Variants in INO80E observed in about 807,000 individuals in gnomAD.
The protein encoded by INO80E is INO80 complex subunit E.
INO80E carries 20 observed loss-of-function variants against 27.3 expected under a neutral mutation model. That is an observed-to-expected ratio of 0.73 (90% confidence interval 0.51 to 1.06). The LOEUF (loss-of-function observed/expected upper bound fraction) is 1.06, where lower values mean the gene tolerates loss of function less well. Ranked by LOEUF, INO80E falls within the 50% of genes least tolerant of loss-of-function variation. The probability of loss-of-function intolerance (pLI) is 0.00; values close to 1 mark genes in which losing one functional copy is unlikely to be tolerated. For synonymous variants in INO80E, 167 were observed against 145.9 expected, an observed-to-expected ratio of 1.14 and a Z score of -1.04; for missense variants, 357 against 322.8, an observed-to-expected ratio of 1.11 and a Z score of -0.81.
At chr16:29,998,408 A>C (rs1234925806) in intron 3 of INO80E, among the ~76,000 whole-genome samples, 2 of 152,156 alleles carry the variant, frequency 1.3e-5, no homozygotes, top group Non-Finnish European at 2.9e-5. Context: ...GTTGAAGAGC[A>C]GAGGCATGAA....
In INO80E at chr16:30,005,738, G is replaced by C; in HGVS notation, c.*296G>C. 1 of 508,848 alleles carries C rather than the reference G, an allele frequency of 2.0e-6. No homozygotes were observed. The highest frequency in any genetic ancestry group is 2.5e-5 in the South Asian group (1 of 40,488). 31.5% of individuals were successfully genotyped at this position (508,848 alleles called of 1,614,324 possible). ...TGGCCACCTCTTTAAAAGGGCAGCTGTACAGGGCTAGGTTTTTTCAATGAA... is the reference window on the plus strand; with the variant it reads ...TGGCCACCTCTTTAAAAGGGCAGCTCTACAGGGCTAGGTTTTTTCAATGAA... On this transcript the variant is annotated 3_prime_UTR_variant, in exon 7 of 7. Transcript: ENST00000563197.
chr16:29,998,655 T>C (rs553913092), intron 3 of INO80E, among the ~76,000 whole-genome samples: 1 of 152,254 alleles, frequency 6.6e-6, no homozygotes, highest in South Asian at 2.1e-4. Flanking sequence ...GACCCACAGT[T>C]TGAAAAAGCC....
rs2070546244 is a variant in INO80E, at chr16:30,005,525, T to C, written c.*83T>C. On this transcript the variant is annotated 3_prime_UTR_variant, in exon 7 of 7. Coordinates refer to ENST00000563197, the MANE Select transcript of INO80E (RefSeq NM_173618.3). ...CACACGAGTCCAGCTTCCTCGGAGG[T>C]GTTTATTGATGCCCAGCTGCCATGC... 1 of 1,257,890 alleles carries C rather than the reference T, an allele frequency of 7.9e-7. No individual in the cohort carries two copies. The allele number at this position is 1,257,890 out of a possible 1,614,324, so 77.9% of individuals were successfully genotyped here.
chr16:30,004,595 G>T (rs1357143037), intron 6 of INO80E: 1 of 155,036 alleles, frequency 6.5e-6, no homozygotes, highest in South Asian at 2.0e-4. Flanking sequence ...CCGTGCGGAG[G>T]AGCTGGATCT....
Position 29,996,282 on chromosome 16 carries a change from A to G in INO80E, c.-29A>G, listed in dbSNP as rs201646845. 610 of 1,563,384 alleles carry G rather than the reference A, an allele frequency of 3.9e-4. 1 individual carries two copies. In the African/African-American group the frequency reaches 4.2e-3, roughly 11 times the overall value. ...CCACTGCTTGGGGTAGCGGGAGGGC[A>G]GACTCTGGGCGCCACTCCCGGGCCG... On this transcript the variant is annotated 5_prime_UTR_variant, in exon 1 of 7. Transcript: ENST00000563197.
rs751046777 is a variant in INO80E at position 30,001,434 on chromosome 16, C to A, written c.417C>A (p.Pro139=). The A allele has an allele frequency of 2.5e-6, 4 of 1,609,772 alleles. No individual in the cohort carries two copies. Among genetic ancestry groups the A allele is most frequent in the East Asian group, 2.2e-5 (1 of 44,724 alleles). The part of the protein sequence containing the change: ...YLSSLASSRY[P]PFPSDYLALQ... ...CGCAGCTGGCCTCCTCCCGCTACCC[C>A]CCATTCCCTTCTGACTACCTGGCCC... The change falls in exon 6 of 7, where the codon CCC becomes CCA. Residue 139 remains proline (P), a synonymous_variant. Transcript: ENST00000563197.
intron 6 of INO80E, chr16:30,004,502 C>CCGCAGG (rs2150944598): frequency 6.5e-6 from 1 of 153,076 alleles, no homozygotes; most frequent in South Asian, 2.1e-4. Context: ...GCCTGTCGTC[C>CCGCAGG]CGCAGGCGGC....
chr16:29,998,812 G>A (rs1379781070), intron 3 of INO80E, among the ~76,000 whole-genome samples: 1 of 152,166 alleles, frequency 6.6e-6, no homozygotes, highest in Non-Finnish European at 1.5e-5. Context: ...TTGGGAGGCC[G>A]AGGCAGGCAG....
chr16:30,004,647 CCGCAGCCCAGGT>C (rs2070482100), intron 6 of INO80E: 1 of 155,244 alleles, frequency 6.4e-6, no homozygotes, highest in Non-Finnish European at 1.5e-5. Flanking sequence ...GAGGCTGGGA[CCGCAGCCCAGGT>C]GAGCTAAGAG....
chr16:30,005,192 T>TC (rs1201488833), intron 6 of INO80E, 29 bp from the exon 7 acceptor site: 7 of 1,433,248 alleles, frequency 4.9e-6, no homozygotes, highest in Middle Eastern at 5.0e-4. Context: ...CCCTGACTAG[T>TC]CCCCCTGTGT....
rs746778751 is a variant in INO80E, at chr16:30,000,789, C to T, written c.237C>T (p.Ser79=). ...ATGCCACTGCATCATCAGATAACAGCGAGACGGAGGGGACACCCAAGTTGT... is the reference window on the plus strand; with the variant it reads ...ATGCCACTGCATCATCAGATAACAGTGAGACGGAGGGGACACCCAAGTTGT... ...DSDATASSDN[S]ETEGTPKLSD... is the part of the protein sequence containing the mutation. The change falls in exon 4 of 7, where the codon AGC becomes AGT. Residue 79 remains serine, a synonymous_variant. Coordinates refer to ENST00000563197, the MANE Select transcript of INO80E (RefSeq NM_173618.3). 14 of 1,614,016 alleles carry T rather than the reference C, an allele frequency of 8.7e-6. No homozygotes were observed. Among genetic ancestry groups the T allele is most frequent in the South Asian group, 1.1e-5 (1 of 91,092 alleles).
At position 29,996,302 on chromosome 16, in the gene INO80E, G is replaced by C; in HGVS notation, c.-9G>C. The stretch of plus-strand genomic sequence containing the variant: ...AGGGCAGACTCTGGGCGCCACTCCC[G>C]GGCCGGTCATGAACGGGCCGGCGGA... On this transcript the variant is annotated 5_prime_UTR_variant, in exon 1 of 7. Transcript: ENST00000563197. 6.3e-7 allele frequency: 1 copy of C among 1,587,074 alleles called. No individual in the cohort carries two copies. The highest frequency in any genetic ancestry group is 2.3e-5 in the East Asian group (1 of 43,526).
At position 30,001,426 on chromosome 16, in the gene INO80E, C is replaced by CGCTA. The variant is rs1256027958; in HGVS notation, c.410_413dup (p.Tyr138Ter). 3.1e-6 allele frequency: 5 copies of CGCTA among 1,602,534 alleles called. No individual in the cohort carries two copies. Among genetic ancestry groups the CGCTA allele is most frequent in the Non-Finnish European group, 4.3e-6 (5 of 1,174,140 alleles). ...CTCCCGCCCGCAGCTGGCCTCCTCC[C>CGCTA]GCTACCCCCCATTCCCTTCTGACTA... On this transcript the variant is annotated stop_gained and frameshift_variant, in exon 6 of 7. Coordinates refer to ENST00000563197, the MANE Select transcript of INO80E (RefSeq NM_173618.3). LOFTEE classifies it high-confidence loss of function.
intron 3 of INO80E, 103 bp downstream of exon 3, chr16:29,996,963 G>A: frequency 9.0e-7 from 1 of 1,108,432 alleles, no homozygotes; most frequent in Non-Finnish European, 1.4e-6. Context: ...GCAGCCCCCA[G>A]TGGTCCTTAA....
intron 3 of INO80E, chr16:29,999,337 C>T (rs1362023275): frequency 6.6e-6 from 1 of 152,234 alleles, no homozygotes; most frequent in Non-Finnish European, 1.5e-5. Flanking sequence ...CCAGCATGTT[C>T]ATGGCCAGAG....
Position 30,005,214 on chromosome 16 carries a change from G to C in INO80E, c.514-7G>C. 3 of 1,418,158 alleles carry C rather than the reference G, an allele frequency of 2.1e-6. No individual in the cohort carries two copies. The highest frequency in any genetic ancestry group is 1.6e-5 in the South Asian group (1 of 60,918). 87.8% of individuals were successfully genotyped at this position (1,418,158 alleles called of 1,614,324 possible). ...TAGTCCCCCTGTGTTTCTTCCCCCT[G>C]CTGCAGATGGCGGTGGGACCCCCCG... On this transcript the variant is annotated splice_region_variant and splice_polypyrimidine_tract_variant and intron_variant, in intron 6 of 6. Coordinates refer to ENST00000563197, the MANE Select transcript of INO80E (RefSeq NM_173618.3).
At chr16:30,001,626 C>A in intron 6 of INO80E, 96 bp downstream of exon 6, 3 of 1,208,262 alleles carry the variant, frequency 2.5e-6, no homozygotes, top group South Asian at 1.4e-5. Flanking sequence ...GAACCATGAA[C>A]AGTTAATTTG....
chr16:30,005,537 C>A lies in INO80E; in HGVS notation c.*95C>A. 8.6e-7 allele frequency: 1 copy of A among 1,169,238 alleles called. No homozygotes were observed. The highest frequency in any genetic ancestry group is 1.2e-6 in the Non-Finnish European group (1 of 811,878). 72.4% of individuals were successfully genotyped at this position (1,169,238 alleles called of 1,614,324 possible). A position where few individuals can be genotyped will look rare whatever the true frequency, so the allele number is the denominator to read the frequency against. ...GCTTCCTCGGAGGTGTTTATTGATG[C>A]CCAGCTGCCATGCTCCGGCCACTGA... is the stretch of plus-strand genomic sequence containing the variant. On this transcript the variant is annotated 3_prime_UTR_variant, in exon 7 of 7. Transcript: ENST00000563197.
chr16:29,996,540 G>C lies in INO80E; in HGVS notation c.82-7G>C. The C allele has an allele frequency of 6.4e-7, 1 of 1,562,494 alleles. No homozygotes were observed. Among genetic ancestry groups the C allele is most frequent in the South Asian group, 1.2e-5 (1 of 84,914 alleles). ...TTGGCCCAGCGCACCCCTTGCCCGT[G>C]ATACAGGAGCACGAGTGCTTCCAGG... On this transcript the variant is annotated splice_region_variant and splice_polypyrimidine_tract_variant and intron_variant, in intron 1 of 6. Coordinates refer to ENST00000563197, the MANE Select transcript of INO80E (RefSeq NM_173618.3).
Sources: allele counts gnomAD v4.1 joint callset (sites outside exome capture counted in the v4.1 genomes callset), GRCh38; gene constraint gnomAD v4.1.1; transcripts MANE v1.5; gene names NCBI Gene and HGNC (gene_info 2026-07-23, HGNC 2026-07-21).